Variants in TENM2 observed in about 807,000 individuals in gnomAD.
TENM2 encodes the protein teneurin-2.
In TENM2, 52 loss-of-function variants were observed where a neutral mutation model predicts 245.2. That is an observed-to-expected ratio of 0.21 (90% CI 0.17 to 0.27). The LOEUF (loss-of-function observed/expected upper bound fraction) is 0.27. TENM2 is among the 10% of genes least tolerant of loss of function. The probability of loss-of-function intolerance (pLI) is 1.00; values close to 1 mark genes in which losing one functional copy is unlikely to be tolerated. For missense variants in TENM2, 3,046 were observed against 3,666.8 expected, an observed-to-expected ratio of 0.83 and a Z score of 4.37; for synonymous variants, 1,363 against 1,438.9, an observed-to-expected ratio of 0.95 and a Z score of 1.19.
In TENM2 at chr5:167,630,544, G is replaced by A. The variant is rs149516422; in HGVS notation, c.503-245442G>A. 1.2e-3 allele frequency among the ~76,000 whole-genome samples: 179 copies of A among 152,192 alleles called. 1 individual carries two copies. The highest frequency in any genetic ancestry group is 4.1e-3 in the African/African-American group (171 of 41,518). Reference sequence around the variant, plus strand: ...TGAGCACAGGTAACTGAAACTGCACGAAGTGAAATTGCCGCAAATAAGGGG... The same window carrying A: ...TGAGCACAGGTAACTGAAACTGCACAAAGTGAAATTGCCGCAAATAAGGGG... On this transcript the variant is annotated intron_variant, in intron 2 of 28. Coordinates refer to ENST00000518659, the Ensembl canonical transcript of TENM2.
At chr5:167,266,580 A>G in the TENM2 span, among the ~76,000 whole-genome samples, 3 of 152,176 alleles carry the variant, frequency 2.0e-5, no homozygotes, top group African/African-American at 7.2e-5. Context: ...TTTGATCCAA[A>G]TCTAGGCTCT....
chr5:167,583,473 T>TACACACACACACACACAC (rs10682735), intron 2 of TENM2, among the ~76,000 whole-genome samples: 62 of 137,572 alleles, frequency 4.5e-4, no homozygotes, highest in South Asian at 2.2e-3. Context: ...TGAGTATATG[T>TACACACACACACACACAC]ACACACACAC....
At chr5:167,418,123 A>G (rs1005750712) in intron 2 of TENM2, among the ~76,000 whole-genome samples, 2 of 152,152 alleles carry the variant, frequency 1.3e-5, no homozygotes, top group Admixed American at 6.5e-5. Flanking sequence ...TGAGGTCAGG[A>G]GTTCGAGAAC....
chr5:167,861,863 T>A (rs565362097), intron 2 of TENM2, among the ~76,000 whole-genome samples: 1 of 152,354 alleles, frequency 6.6e-6, no homozygotes, highest in East Asian at 1.9e-4. Context: ...CAGGGCTTAC[T>A]CTTGCCAAAC....
intron 12 of TENM2, among the ~76,000 whole-genome samples, chr5:168,146,550 A>G (rs1756100653): frequency 6.6e-6 from 1 of 151,704 alleles, no homozygotes; most frequent in African/African-American, 2.4e-5. Flanking sequence ...AGGCCAAATA[A>G]TTGATTTGGT....
At chr5:167,203,616 T>C in the TENM2 span, among the ~76,000 whole-genome samples, 4 of 152,316 alleles carry the variant, frequency 2.6e-5, no homozygotes, top group South Asian at 8.3e-4. Context: ...AGGTGAACAA[T>C]AGAGGCTCTA....
At chr5:167,350,170 C>T (rs1301152329) in intron 1 of TENM2, among the ~76,000 whole-genome samples, 2 of 152,130 alleles carry the variant, frequency 1.3e-5, no homozygotes, top group Non-Finnish European at 2.9e-5. Context: ...ATACTGGCCA[C>T]TTTCATGTCC....
At chr5:167,366,660 CT>C (rs761017205) in intron 1 of TENM2, among the ~76,000 whole-genome samples, 23 of 152,088 alleles carry the variant, frequency 1.5e-4, no homozygotes, top group African/African-American at 5.6e-4. Flanking sequence ...TGTAGGGCTG[CT>C]TTTTTAATTA....
intron 2 of TENM2, among the ~76,000 whole-genome samples, chr5:167,594,770 TTGTC>T (rs898075495): frequency 6.6e-6 from 1 of 152,284 alleles, no homozygotes; most frequent in Non-Finnish European, 1.5e-5. Context: ...CAAGCGGGGA[TTGTC>T]TGTCTTCGAT....
intron 1 of TENM2, among the ~76,000 whole-genome samples, chr5:167,336,488 A>T (rs562972167): frequency 8.6e-5 from 13 of 151,692 alleles, no homozygotes; most frequent in African/African-American, 2.7e-4. Context: ...AAGAAAGTTG[A>T]AGAAAGCCCC....
chr5:167,280,230 G>A (rs556352937), upstream of TENM2, among the ~76,000 whole-genome samples: 14 of 152,160 alleles, frequency 9.2e-5, no homozygotes, highest in Admixed American at 5.9e-4. Context: ...CTGGGTGGTA[G>A]GAGTAGGAAT....
chr5:167,437,854 C>G (rs1764654390), intron 2 of TENM2, among the ~76,000 whole-genome samples: 1 of 152,146 alleles, frequency 6.6e-6, no homozygotes, highest in South Asian at 2.1e-4. Flanking sequence ...ATTGTGAGGC[C>G]TCCGCAGCCA....
chr5:167,297,235 C>G (rs183249910), intron 1 of TENM2, among the ~76,000 whole-genome samples: 26 of 152,252 alleles, frequency 1.7e-4, no homozygotes, highest in African/African-American at 2.6e-4. Flanking sequence ...TTTGATTCTT[C>G]AGGGGTTTAG....
intron 5 of TENM2, among the ~76,000 whole-genome samples, chr5:168,046,254 C>T (rs1482707119): frequency 1.3e-5 from 2 of 152,196 alleles, no homozygotes; most frequent in Non-Finnish European, 2.9e-5. Flanking sequence ...GTGTTCCCTG[C>T]AGATAATTGT....
At chr5:166,985,997 G>A in the TENM2 span, among the ~76,000 whole-genome samples, 1 of 152,198 alleles carries the variant, frequency 6.6e-6, no homozygotes, top group Non-Finnish European at 1.5e-5. Flanking sequence ...TCAAAGGTGT[G>A]TGTTGGAAAA....
intron 7 of TENM2, among the ~76,000 whole-genome samples, chr5:168,082,337 T>A (rs1460307562): frequency 6.6e-6 from 1 of 152,202 alleles, no homozygotes; most frequent in Non-Finnish European, 1.5e-5. Flanking sequence ...TCGTCTAATC[T>A]TTTTTCAAGG....
intron 2 of TENM2, among the ~76,000 whole-genome samples, chr5:167,415,526 G>A (rs930854394): frequency 6.6e-6 from 1 of 152,064 alleles, no homozygotes; most frequent in African/African-American, 2.4e-5. Context: ...TTCTTGAATG[G>A]CTTACTTTGC....
At chr5:168,230,066 A>AACTC (rs1764700787) in intron 25 of TENM2, among the ~76,000 whole-genome samples, 1 of 152,240 alleles carries the variant, frequency 6.6e-6, no homozygotes, top group African/African-American at 2.4e-5. Context: ...CTATAATCCC[A>AACTC]ACTCCAAATA....
chr5:167,069,455 A>G, the TENM2 span, among the ~76,000 whole-genome samples: 2 of 152,212 alleles, frequency 1.3e-5, no homozygotes, highest in African/African-American at 4.8e-5. Context: ...TTACTTTTAA[A>G]TAGGGTATTT....
Sources: gnomAD v4.1 joint callset for allele counts (sites outside exome capture counted in the v4.1 genomes callset) on GRCh38, gnomAD v4.1.1 for gene constraint, MANE v1.5 for transcripts, NCBI Gene and HGNC (gene_info 2026-07-23, HGNC 2026-07-21) for gene names.